Variants in GNG7 observed in about 807,000 individuals in gnomAD.
GNG7 encodes G protein subunit gamma 7.
GNG7 carries 1 observed loss-of-function variant against 4.0 expected under a neutral mutation model. The ratio of observed to expected loss-of-function variants is 0.25; its 90% confidence interval spans 0.09 to 1.18. GNG7 has a LOEUF of 1.18. Among genes scored for constraint, GNG7 ranks in the 50% most tolerant of loss-of-function variants. The pLI, the probability that GNG7 is intolerant of heterozygous loss-of-function variation, is 0.50. For synonymous variants in GNG7, 34 were observed against 36.9 expected (o/e 0.92, Z 0.29); for missense variants, 86 against 91.9 (o/e 0.94, Z 0.26).
At chr19:2,553,936 G>A (rs982412607) in intron 3 of GNG7, among the ~76,000 whole-genome samples, 3 of 134,830 alleles carry the variant, frequency 2.2e-5, no homozygotes, top group Non-Finnish European at 4.7e-5. Flanking sequence ...TATATTGTAT[G>A]TAATATATTA....
chr19:2,636,563 C>G (rs1019349080), intron 2 of GNG7, among the ~76,000 whole-genome samples: 101 of 152,164 alleles, frequency 6.6e-4, no homozygotes, highest in African/African-American at 2.2e-3. Flanking sequence ...CTGGAGACAC[C>G]TCTGTGCCCG....
chr19:2,642,802 A>C (rs138996634), intron 2 of GNG7: 2 of 456,774 alleles, frequency 4.4e-6, no homozygotes, highest in African/African-American at 4.0e-5. Context: ...CCAGAACTGA[A>C]TGTTTGAAGA....
intron 1 of GNG7, among the ~76,000 whole-genome samples, chr19:2,699,520 A>C (rs1913350063): frequency 6.6e-6 from 1 of 152,222 alleles, no homozygotes; most frequent in Non-Finnish European, 1.5e-5. Context: ...TGACAGCACT[A>C]AATGACTTAA....
At chr19:2,642,144 A>C (rs1982525194) in intron 2 of GNG7, 1 of 158,620 alleles carries the variant, frequency 6.3e-6, no homozygotes, top group Non-Finnish European at 1.4e-5. Flanking sequence ...CCACCAGCCC[A>C]CAGCCTGCCT....
rs7251674 is a variant in GNG7 at position 2,556,877 on chromosome 19, C to A, written c.-77-1689G>T. Reference sequence around the variant, plus strand: ...ATCCACCTGCTCCGTGCCAGGAGCACCCCCCAGATGTGTTGGCCACAAATG... The same window carrying A: ...ATCCACCTGCTCCGTGCCAGGAGCAACCCCCAGATGTGTTGGCCACAAATG... On this transcript the variant is annotated intron_variant, in intron 2 of 4. Coordinates refer to ENST00000382159, the MANE Select transcript of GNG7 (RefSeq NM_052847.3). 2.6e-3 allele frequency among the ~76,000 whole-genome samples: 401 copies of A among 152,226 alleles called. 2 individuals carry two copies. Among genetic ancestry groups the A allele is most frequent in the African/African-American group, 9.4e-3 (391 of 41,544 alleles).
At chr19:2,583,502 T>C (rs2144793080) in intron 2 of GNG7, among the ~76,000 whole-genome samples, 1 of 152,280 alleles carries the variant, frequency 6.6e-6, no homozygotes, top group South Asian at 2.1e-4. Context: ...GCCCAAGCTG[T>C]GTGGCAAGAC....
chr19:2,628,704 C>G (rs767262187), intron 2 of GNG7, among the ~76,000 whole-genome samples: 2 of 150,042 alleles, frequency 1.3e-5, no homozygotes, highest in Non-Finnish European at 2.9e-5. Context: ...CCCCTAGCAC[C>G]CACCATTCTC....
At chr19:2,650,370 G>A (rs532357237) in intron 1 of GNG7, among the ~76,000 whole-genome samples, 1 of 152,026 alleles carries the variant, frequency 6.6e-6, no homozygotes, top group Non-Finnish European at 1.5e-5. Flanking sequence ...TGTATTTTTA[G>A]TAGAGACGGG....
At chr19:2,635,139 G>A (rs2144847153) in intron 2 of GNG7, among the ~76,000 whole-genome samples, 1 of 152,318 alleles carries the variant, frequency 6.6e-6, no homozygotes, top group Non-Finnish European at 1.5e-5. Context: ...CCATGCCAGG[G>A]GCACCCCCCA....
intron 4 of GNG7, among the ~76,000 whole-genome samples, chr19:2,519,146 CTTTTTT>C (rs71178282): frequency 9.5e-5 from 8 of 84,542 alleles, no homozygotes; most frequent in Middle Eastern, 0.011. Flanking sequence ...TTTCTTGTTT[CTTTTTT>C]TTTTTTTTTT....
chr19:2,516,318 G>A (rs933415021), intron 4 of GNG7, among the ~76,000 whole-genome samples: 1 of 151,906 alleles, frequency 6.6e-6, no homozygotes, highest in Non-Finnish European at 1.5e-5. Context: ...CTTGCTCCCC[G>A]GGTTCAAGCA....
At chr19:2,619,655 G>A (rs1981813776) in intron 2 of GNG7, among the ~76,000 whole-genome samples, 1 of 152,188 alleles carries the variant, frequency 6.6e-6, no homozygotes, top group Non-Finnish European at 1.5e-5. Context: ...CTCTATGAAA[G>A]GAGCCAGAGA....
intron 2 of GNG7, among the ~76,000 whole-genome samples, chr19:2,586,141 C>T (rs749267195): frequency 6.6e-6 from 1 of 152,176 alleles, no homozygotes; most frequent in Non-Finnish European, 1.5e-5. Flanking sequence ...ACTCTCACCC[C>T]CTTTGTAGAC....
rs139696757 is a variant in GNG7, at chr19:2,630,172, A to G, written c.-78+16052T>C. On this transcript the variant is annotated intron_variant, in intron 2 of 4. Transcript: ENST00000382159. ...TGCAAGAGGAAGGGATGGACGCCAG[A>G]AAAAGGGAGTGAAGGTCCTGCTGAT... Among the ~76,000 whole-genome samples the G allele has an allele frequency of 1.1e-4, 16 of 152,304 alleles. 2 individuals are homozygous for G. In the East Asian group the frequency reaches 3.1e-3, roughly 29 times the overall value.
At chr19:2,602,652 T>A (rs995189521) in intron 2 of GNG7, among the ~76,000 whole-genome samples, 1 of 152,206 alleles carries the variant, frequency 6.6e-6, no homozygotes, top group African/African-American at 2.4e-5. Context: ...TGTGCTACCT[T>A]CCGTGGTGTT....
intron 2 of GNG7, among the ~76,000 whole-genome samples, chr19:2,625,132 G>A (rs1441755017): frequency 2.6e-5 from 4 of 152,156 alleles, no homozygotes; most frequent in Admixed American, 6.5e-5. Context: ...GCAGTGGTGC[G>A]ATCTCAGCTC....
intron 1 of GNG7, among the ~76,000 whole-genome samples, chr19:2,669,224 G>A (rs1462856658): frequency 6.6e-6 from 1 of 152,188 alleles, no homozygotes; most frequent in Non-Finnish European, 1.5e-5. Flanking sequence ...GGGCGCGGTG[G>A]CTCACACCTG....
intron 1 of GNG7, among the ~76,000 whole-genome samples, chr19:2,668,612 C>T (rs978469055): frequency 5.3e-5 from 8 of 152,082 alleles, no homozygotes; most frequent in African/African-American, 1.2e-4. Flanking sequence ...ATCCAGGCAG[C>T]GCTCAATGAA....
intron 2 of GNG7, among the ~76,000 whole-genome samples, chr19:2,595,562 C>T (rs1445568742): frequency 4.0e-5 from 6 of 151,714 alleles, no homozygotes; most frequent in Admixed American, 2.6e-4. Flanking sequence ...AGCAAAACTC[C>T]GTCTCTAGTA....
Sources: gnomAD v4.1 joint callset for allele counts (sites outside exome capture counted in the v4.1 genomes callset) on GRCh38, gnomAD v4.1.1 for gene constraint, MANE v1.5 for transcripts, NCBI Gene and HGNC (gene_info 2026-07-23, HGNC 2026-07-21) for gene names.